Variants in RNF141 observed in about 807,000 individuals in gnomAD.
The protein encoded by RNF141 is C3HC4-like zinc finger protein.
In RNF141, 18 loss-of-function variants were observed where a neutral mutation model predicts 27.4. That is an observed-to-expected ratio of 0.66 (90% CI 0.45 to 0.97). The LOEUF is 0.97. Among genes scored for constraint, RNF141 ranks in the 50% least tolerant of loss-of-function variants. The probability of loss-of-function intolerance (pLI) is 0.00; values close to 1 mark genes in which losing one functional copy is unlikely to be tolerated. For synonymous variants in RNF141, 97 were observed against 96.6 expected (o/e 1.00, Z -0.02); for missense variants, 230 against 279.4 (o/e 0.82, Z 1.26).
intron 4 of RNF141, among the ~76,000 whole-genome samples, chr11:10,520,798 C>T (rs1311023884): frequency 1.3e-5 from 2 of 152,186 alleles, no homozygotes; most frequent in African/African-American, 2.4e-5. Flanking sequence ...ACGACGTCCA[C>T]AGGCAATAGG....
intron 4 of RNF141, among the ~76,000 whole-genome samples, chr11:10,522,944 A>G (rs77238187): frequency 0.026 from 4,002 of 152,298 alleles, 75 homozygotes; most frequent in African/African-American, 0.057. Context: ...AACACAGGCA[A>G]CTTGCTGCTA....
chr11:10,533,717 T>C (rs760313111), intron 2 of RNF141, among the ~76,000 whole-genome samples: 1 of 152,080 alleles, frequency 6.6e-6, no homozygotes, highest in Non-Finnish European at 1.5e-5. Context: ...CAAGAGTCTA[T>C]TGGTATAAAA....
At chr11:10,517,626 G>A (rs1564865240) in intron 5 of RNF141, 1 of 151,944 alleles carries the variant, frequency 6.6e-6, no homozygotes, top group Non-Finnish European at 1.5e-5. Flanking sequence ...GGGAAAAAAT[G>A]GCACATTACC....
intron 3 of RNF141, 64 bp from the exon 4 acceptor site, chr11:10,525,437 AG>A: frequency 7.9e-7 from 1 of 1,260,028 alleles, no homozygotes; most frequent in Admixed American, 2.4e-5. Context: ...TTTCCCAAAA[AG>A]GGGGAACAAA....
intron 3 of RNF141, 61 bp from the exon 4 acceptor site, chr11:10,525,434 A>C (rs1849924567): frequency 3.9e-6 from 5 of 1,288,654 alleles, no homozygotes; most frequent in Non-Finnish European, 5.4e-6. Context: ...ATTTTTCCCA[A>C]AAAGGGGGAA....
At chr11:10,526,921 AC>A (rs1849941417) in intron 3 of RNF141, among the ~76,000 whole-genome samples, 1 of 152,216 alleles carries the variant, frequency 6.6e-6, no homozygotes, top group Non-Finnish European at 1.5e-5. Context: ...GTACTAAAAG[AC>A]TGTACATGAG....
rs1308473160 is a variant in RNF141, at chr11:10,511,733, G to T, written c.*3183C>A. On this transcript the variant is annotated 3_prime_UTR_variant, in exon 6 of 6. Coordinates refer to ENST00000265981, the MANE Select transcript of RNF141 (RefSeq NM_016422.4). ...AATGTTAAAAATCACTGAATCAAAA[G>T]ATATTTTCAAGCAGCCTTTTCTCCC... is the stretch of plus-strand genomic sequence containing the variant. The T allele has an allele frequency of 6.6e-6, 1 of 152,208 alleles. No individual in the cohort carries two copies. The highest frequency in any genetic ancestry group is 1.5e-5 in the Non-Finnish European group (1 of 68,010). 9.4% of individuals were successfully genotyped at this position (152,208 alleles called of 1,614,324 possible).
At chr11:10,526,528 A>G (rs1591498770) in intron 3 of RNF141, among the ~76,000 whole-genome samples, 2 of 152,176 alleles carry the variant, frequency 1.3e-5, no homozygotes, top group East Asian at 3.8e-4. Flanking sequence ...TCATGCTTGT[A>G]ATCCCAGCAC....
At chr11:10,531,932 C>CT (rs1849989771) in intron 2 of RNF141, 1 of 423,406 alleles carries the variant, frequency 2.4e-6, no homozygotes, top group Non-Finnish European at 4.7e-6. Context: ...CTACAGTTCT[C>CT]GGAGATCACT....
At chr11:10,536,752 G>A (rs1356713751) in intron 1 of RNF141, among the ~76,000 whole-genome samples, 2 of 152,178 alleles carry the variant, frequency 1.3e-5, no homozygotes, top group South Asian at 2.1e-4. Context: ...ATGAGCTGCC[G>A]CACCCGGCCA....
rs1182312276 is a variant in RNF141 at position 10,513,650 on chromosome 11, G to A, written c.*1266C>T. On this transcript the variant is annotated 3_prime_UTR_variant, in exon 6 of 6. Transcript: ENST00000265981. ...CTTCTAATTTTCATAAGTATTTTATGTATATACGGTAAAAAAGCCTCACTC... is the reference window on the plus strand; with the variant it reads ...CTTCTAATTTTCATAAGTATTTTATATATATACGGTAAAAAAGCCTCACTC... The A allele has an allele frequency of 3.3e-5, 5 of 151,406 alleles. No homozygotes were observed. The highest frequency in any genetic ancestry group is 5.9e-5 in the Non-Finnish European group (4 of 67,904). 9.4% of individuals were successfully genotyped at this position (151,406 alleles called of 1,614,324 possible).
At chr11:10,520,632 TAATA>T (rs2133967080) in intron 4 of RNF141, among the ~76,000 whole-genome samples, 2 of 152,364 alleles carry the variant, frequency 1.3e-5, no homozygotes, top group South Asian at 4.1e-4. Context: ...TAGTATAGTA[TAATA>T]AATGCATAAA....
chr11:10,519,138 C>A lies in RNF141; in HGVS notation c.438G>T (p.Val146=). The change falls in exon 5 of 6, where the codon GTG becomes GTT. Residue 146 remains valine, a synonymous_variant. Transcript: ENST00000265981. The part of the protein sequence containing the change: ...SCQASLWMGR[V]KQLTDEEECC... ...ACTCCTCCTCATCGGTCAGCTGCTTCACCCTGCAATGTGAAAACTGAGCTG... is the reference window on the plus strand; with the variant it reads ...ACTCCTCCTCATCGGTCAGCTGCTTAACCCTGCAATGTGAAAACTGAGCTG... 1 of 1,613,112 alleles carries A rather than the reference C, an allele frequency of 6.2e-7. No homozygotes were observed. The highest frequency in any genetic ancestry group is 2.2e-5 in the East Asian group (1 of 44,880).
intron 2 of RNF141, 43 bp downstream of exon 2, chr11:10,533,973 T>C (rs1286541482): frequency 1.3e-6 from 2 of 1,591,680 alleles, no homozygotes; most frequent in Non-Finnish European, 1.7e-6. Flanking sequence ...GGGGCATACA[T>C]ACAACAAGGG....
intron 2 of RNF141, among the ~76,000 whole-genome samples, chr11:10,533,270 C>G (rs1028559545): frequency 6.6e-6 from 1 of 151,936 alleles, no homozygotes; most frequent in Non-Finnish European, 1.5e-5. Flanking sequence ...ACAAAGAGCC[C>G]TATATATTTT....
chr11:10,525,081 G>GAA (rs55738534), intron 4 of RNF141, 111 bp downstream of exon 4: 20,241 of 494,160 alleles, frequency 0.041, no homozygotes, highest in South Asian at 0.058. Flanking sequence ...TACCAACTGA[G>GAA]AAAAAAAAAA....
intron 3 of RNF141, among the ~76,000 whole-genome samples, chr11:10,526,619 T>C (rs949765044): frequency 6.6e-6 from 1 of 151,520 alleles, no homozygotes; most frequent in Non-Finnish European, 1.5e-5. Flanking sequence ...CCATCTCTAC[T>C]AAAAGTACAA....
At chr11:10,515,900 T>A (rs1313655848) in intron 5 of RNF141, 1 of 152,208 alleles carries the variant, frequency 6.6e-6, no homozygotes, top group Non-Finnish European at 1.5e-5. Context: ...AACTCATATA[T>A]GATCACTTAA....
intron 1 of RNF141, among the ~76,000 whole-genome samples, chr11:10,538,876 C>T (rs546275322): frequency 6.6e-6 from 1 of 152,288 alleles, no homozygotes; most frequent in African/African-American, 2.4e-5. Flanking sequence ...CCCCCCTAGG[C>T]CATGCAACAG....
Sources: gnomAD v4.1 joint callset for allele counts (sites outside exome capture counted in the v4.1 genomes callset) on GRCh38, gnomAD v4.1.1 for gene constraint, MANE v1.5 for transcripts, NCBI Gene and HGNC (gene_info 2026-07-23, HGNC 2026-07-21) for gene names.